Variants in QTMAN observed in about 807,000 individuals in gnomAD.
QTMAN encodes the protein tRNA-queuosine alpha-mannosyltransferase.
the QTMAN span, among the ~76,000 whole-genome samples, chr2:144,112,129 C>G: frequency 6.6e-6 from 1 of 152,140 alleles, no homozygotes; most frequent in South Asian, 2.1e-4. Context: ...GATTCTTGCA[C>G]AAAGCTTTCC....
the QTMAN span, among the ~76,000 whole-genome samples, chr2:144,042,620 C>T: frequency 6.6e-6 from 1 of 151,792 alleles, no homozygotes; most frequent in Non-Finnish European, 1.5e-5. Context: ...AATTAGCTGG[C>T]GTGGTGGTAC....
the QTMAN span, among the ~76,000 whole-genome samples, chr2:144,025,301 G>A: frequency 1.3e-5 from 2 of 152,146 alleles, no homozygotes; most frequent in African/African-American, 4.8e-5. Context: ...CTAGTACAGA[G>A]CACAGAATTC....
chr2:143,951,454 T>C, the QTMAN span, among the ~76,000 whole-genome samples: 1 of 151,578 alleles, frequency 6.6e-6, no homozygotes, highest in Non-Finnish European at 1.5e-5. Flanking sequence ...GACATTCTTA[T>C]TCTAAAGAAA....
the QTMAN span, among the ~76,000 whole-genome samples, chr2:144,048,675 C>T: frequency 5.9e-5 from 9 of 152,210 alleles, no homozygotes; most frequent in Admixed American, 2.0e-4. Flanking sequence ...CATTAGGTAT[C>T]GACCTATGAT....
chr2:144,191,456 G>C, the QTMAN span, among the ~76,000 whole-genome samples: 3 of 152,126 alleles, frequency 2.0e-5, no homozygotes, highest in Admixed American at 6.5e-5. Flanking sequence ...CAAAGCAATT[G>C]CTGAATAATG....
At chr2:144,162,695 G>A in the QTMAN span, among the ~76,000 whole-genome samples, 2 of 152,296 alleles carry the variant, frequency 1.3e-5, no homozygotes, top group East Asian at 3.9e-4. Flanking sequence ...GAGAGACCTA[G>A]GGGTGAATGT....
chr2:143,949,750 A>G, the QTMAN span, among the ~76,000 whole-genome samples: 3 of 151,884 alleles, frequency 2.0e-5, no homozygotes, highest in Non-Finnish European at 4.4e-5. Context: ...GTAAAAGCAA[A>G]TGTTACCTGA....
chr2:144,095,905 T>C, the QTMAN span, among the ~76,000 whole-genome samples: 1 of 152,158 alleles, frequency 6.6e-6, no homozygotes, highest in Non-Finnish European at 1.5e-5. Context: ...TTGTGTTACA[T>C]ACACAAGTTT....
chr2:144,106,591 C>T, the QTMAN span, among the ~76,000 whole-genome samples: 2 of 152,184 alleles, frequency 1.3e-5, no homozygotes, highest in Non-Finnish European at 2.9e-5. Flanking sequence ...TACAGGAGCA[C>T]CCAGATTCAT....
At chr2:144,181,629 G>A in the QTMAN span, among the ~76,000 whole-genome samples, 1 of 151,984 alleles carries the variant, frequency 6.6e-6, no homozygotes, top group Non-Finnish European at 1.5e-5. Context: ...TGGGCAACAT[G>A]GTGAAACTTC....
the QTMAN span, among the ~76,000 whole-genome samples, chr2:144,037,366 T>C: frequency 2.6e-5 from 4 of 152,190 alleles, no homozygotes; most frequent in South Asian, 2.1e-4. Flanking sequence ...TAATGAGATG[T>C]CATTTAGTAC....
the QTMAN span, among the ~76,000 whole-genome samples, chr2:144,247,378 G>A: frequency 6.6e-6 from 1 of 152,178 alleles, no homozygotes; most frequent in Admixed American, 6.5e-5. Context: ...CGAAAAGTCA[G>A]AAGCAAACTT....
the QTMAN span, among the ~76,000 whole-genome samples, chr2:144,109,493 C>T: frequency 2.0e-5 from 3 of 152,148 alleles, no homozygotes; most frequent in African/African-American, 7.2e-5. Flanking sequence ...TGGGCAAGGA[C>T]TTCATGTTCA....
chr2:144,021,401 G>A, the QTMAN span, among the ~76,000 whole-genome samples: 2 of 152,242 alleles, frequency 1.3e-5, no homozygotes, highest in African/African-American at 4.8e-5. Flanking sequence ...AGTCTCTTAC[G>A]TACCCTTTTT....
At chr2:144,066,123 C>CAAAA in the QTMAN span, among the ~76,000 whole-genome samples, 2 of 151,738 alleles carry the variant, frequency 1.3e-5, no homozygotes, top group Non-Finnish European at 2.9e-5. Flanking sequence ...TTCTTTTTTT[C>CAAAA]CCTTTTTCTT....
At chr2:144,131,331 C>T in the QTMAN span, among the ~76,000 whole-genome samples, 4 of 151,910 alleles carry the variant, frequency 2.6e-5, no homozygotes, top group African/African-American at 9.7e-5. Context: ...GGACACTCCT[C>T]CATCAAGTTG....
the QTMAN span, among the ~76,000 whole-genome samples, chr2:144,199,040 T>C: frequency 3.3e-5 from 5 of 151,802 alleles, no homozygotes; most frequent in African/African-American, 1.2e-4. Flanking sequence ...CCCACTTCTC[T>C]GTACTGTACT....
the QTMAN span, among the ~76,000 whole-genome samples, chr2:144,031,552 A>G: frequency 6.6e-5 from 10 of 152,266 alleles, no homozygotes; most frequent in Admixed American, 3.3e-4. Context: ...ATACAATCAT[A>G]AAACCTGAAG....
chr2:144,325,338 T>G, the QTMAN span, among the ~76,000 whole-genome samples: 2 of 152,112 alleles, frequency 1.3e-5, no homozygotes, highest in African/African-American at 4.8e-5. Flanking sequence ...CAGCAGGCAG[T>G]GCAGGGGAGA....
Sources: allele counts gnomAD v4.1 joint callset (sites outside exome capture counted in the v4.1 genomes callset), GRCh38; gene constraint gnomAD v4.1.1; transcripts MANE v1.5; gene names NCBI Gene and HGNC (gene_info 2026-07-23, HGNC 2026-07-21).